The following AGER variants were observed in gnomAD, a reference collection of about 807,000 sequenced individuals.
AGER encodes advanced glycosylation end-product specific receptor.
A neutral mutation model predicts 48.8 loss-of-function variants in AGER; 46 were observed. The observed-to-expected ratio is 0.94, with a 90% confidence interval of 0.74 to 1.20. The LOEUF (loss-of-function observed/expected upper bound fraction) is 1.20. Ranked by LOEUF, AGER falls within the 50% of genes most tolerant of loss-of-function variation. The pLI is 0.00. For synonymous variants in AGER, 170 were observed against 199.9 expected, an observed-to-expected ratio of 0.85 and a Z score of 1.26; for missense variants, 489 against 515.0, an observed-to-expected ratio of 0.95 and a Z score of 0.49.
At chr6:32,183,293 G>GT in intron 4 of AGER, 31 bp downstream of exon 4, 1 of 1,613,158 alleles carries the variant, frequency 6.2e-7, no homozygotes, top group Non-Finnish European at 8.5e-7. Flanking sequence ...TCACAGGGCC[G>GT]TTTTCTACTT....
At position 32,181,700 on chromosome 6, in the gene AGER, G is replaced by A. The variant is rs1786255618; in HGVS notation, c.965-68C>T. 1.4e-6 allele frequency: 2 copies of A among 1,481,464 alleles called. No individual in the cohort carries two copies. Among genetic ancestry groups the A allele is most frequent in the African/African-American group, 1.4e-5 (1 of 70,846 alleles). 91.8% of individuals were successfully genotyped at this position (1,481,464 alleles called of 1,614,324 possible). ...GTTGAGAGAGGGTTATTTAGTGGGA[G>A]CCCCAGTGGAGTCTTTCCCTTTCTT... On this transcript the variant is annotated intron_variant, in intron 8 of 10. Transcript: ENST00000375076. This position sits in a 1 kb window ranked among gnomAD's most constrained non-coding sequence, Gnocchi z 4.1.
At position 32,182,168 on chromosome 6, in the gene AGER, A is replaced by G; in HGVS notation, c.964+79T>C. ...TGGGGTGGCTGTTAGGGATAAGGCC[A>G]GAATGGGGCAGGAAATTAGAGCCTG... On this transcript the variant is annotated intron_variant, in intron 8 of 10. Coordinates refer to ENST00000375076, the MANE Select transcript of AGER (RefSeq NM_001136.5). The surrounding 1 kb of genome is among the most constrained non-coding windows in gnomAD (Gnocchi z 5.1). 6.2e-7 allele frequency: 1 copy of G among 1,601,996 alleles called. No individual in the cohort carries two copies. The highest frequency in any genetic ancestry group is 1.1e-5 in the South Asian group (1 of 90,900).
Position 32,183,897 on chromosome 6 carries a change from C to T in AGER, c.143G>A (p.Arg48Gln), listed in dbSNP as rs35030981. The change falls in exon 2 of 11, where the codon CGG becomes CAG. Residue 48 changes from arginine to glutamine, a missense_variant. Arg to Gln is a conservative substitution (Grantham distance 43). Transcript: ENST00000375076. ...CKGAPKKPPQ[R>Q]LEWKLNTGRT... ...CCCGCTTACCAGTTTCCATTCCAGC[C>T]GCTGGGGTGGTTTCTTGGGGGCCCC... The T allele has an allele frequency of 1.7e-5, 28 of 1,612,904 alleles. No homozygotes were observed. The African/African-American group carries it at 2.3e-4, about 13-fold the overall frequency.
chr6:32,183,415 G>C (rs2856442), intron 3 of AGER, 27 bp from the exon 4 acceptor site: 1 of 1,610,246 alleles, frequency 6.2e-7, no homozygotes, highest in African/African-American at 1.3e-5. Context: ...CCAGTCAGAG[G>C]CTGTAATTGT....
rs762908978 is a variant in AGER, at chr6:32,181,657, CAGA to C, written c.965-28_965-26del. On this transcript the variant is annotated intron_variant, in intron 8 of 10. Coordinates refer to ENST00000375076, the MANE Select transcript of AGER (RefSeq NM_001136.5). The surrounding 1 kb of genome is among the most constrained non-coding windows in gnomAD (Gnocchi z 4.1). ...TCTGGAAGACAAAGTTGGATCCAGTCAGAAAGGAAGACTTCGGGTTGAGAGAGG... is the reference window on the plus strand; with the variant it reads ...TCTGGAAGACAAAGTTGGATCCAGTCAAGGAAGACTTCGGGTTGAGAGAGG... The C allele has an allele frequency of 6.2e-7, 1 of 1,612,142 alleles. No individual in the cohort carries two copies. Among genetic ancestry groups the C allele is most frequent in the East Asian group, 2.2e-5 (1 of 44,878 alleles).
chr6:32,181,313 A>T lies in AGER; in HGVS notation c.1118+38T>A, dbSNP rs1453134294. Reference sequence around the variant, plus strand: ...CGACCCCTCTTCGCTTGCTGCCTGGAAGCCCTAGGTCTGAGGGGTCTGGCT... The same window carrying T: ...CGACCCCTCTTCGCTTGCTGCCTGGTAGCCCTAGGTCTGAGGGGTCTGGCT... On this transcript the variant is annotated intron_variant, in intron 10 of 10. Coordinates refer to ENST00000375076, the MANE Select transcript of AGER (RefSeq NM_001136.5). This position sits in a 1 kb window ranked among gnomAD's most constrained non-coding sequence, Gnocchi z 4.1. 1 of 1,613,546 alleles carries T rather than the reference A, an allele frequency of 6.2e-7. No individual in the cohort carries two copies.
chr6:32,182,412 A>C lies in AGER; in HGVS notation c.823-24T>G. On this transcript the variant is annotated intron_variant, in intron 7 of 10. Transcript: ENST00000375076. The surrounding 1 kb of genome is among the most constrained non-coding windows in gnomAD (Gnocchi z 5.1). ...CCCTGGTGGGGGAAGGGGAGAGGAGACTATTTCAAAACCCTTGTCTTTTTG... is the reference window on the plus strand; with the variant it reads ...CCCTGGTGGGGGAAGGGGAGAGGAGCCTATTTCAAAACCCTTGTCTTTTTG... 1 of 1,600,652 alleles carries C rather than the reference A, an allele frequency of 6.2e-7. No homozygotes were observed. Among genetic ancestry groups the C allele is most frequent in the Non-Finnish European group, 8.5e-7 (1 of 1,172,944 alleles).
chr6:32,181,348 C>T lies in AGER; in HGVS notation c.1118+3G>A. On this transcript the variant is annotated splice_donor_region_variant and intron_variant, in intron 10 of 10. Transcript: ENST00000375076. This position sits in a 1 kb window ranked among gnomAD's most constrained non-coding sequence, Gnocchi z 4.1. Reference sequence around the variant, plus strand: ...TCTGAGGGGTCTGGCTTTCTCCACTCACCTCTCCTCTCCTCGGCGTTGCCG... The same window carrying T: ...TCTGAGGGGTCTGGCTTTCTCCACTTACCTCTCCTCTCCTCGGCGTTGCCG... 2 of 1,612,956 alleles carry T rather than the reference C, an allele frequency of 1.2e-6. No individual in the cohort carries two copies. Among genetic ancestry groups the T allele is most frequent in the Non-Finnish European group, 1.7e-6 (2 of 1,179,310 alleles).
chr6:32,181,548 C>T lies in AGER; in HGVS notation c.991+58G>A. The T allele has an allele frequency of 6.2e-7, 1 of 1,613,156 alleles. No homozygotes were observed. The highest frequency in any genetic ancestry group is 1.1e-5 in the South Asian group (1 of 91,088). ...CCATTCCTTTCTTGTTGACCATCCC[C>T]CCAGTCACATGTGTTGGGGGCTATC... is the stretch of plus-strand genomic sequence containing the variant. On this transcript the variant is annotated intron_variant, in intron 9 of 10. Transcript: ENST00000375076. The surrounding 1 kb of genome is among the most constrained non-coding windows in gnomAD (Gnocchi z 4.1).
At position 32,182,379 on chromosome 6, in the gene AGER, A is replaced by AG; in HGVS notation, c.831dup (p.Pro279AlafsTer12). On this transcript the variant is annotated frameshift_variant, in exon 8 of 11. Transcript: ENST00000375076. LOFTEE classifies it high-confidence loss of function. This position sits in a 1 kb window ranked among gnomAD's most constrained non-coding sequence, Gnocchi z 5.1. ...AGCACAGGGCTGGGGGGAAGGGGCA[A>AG]GGGCACACCCTGGTGGGGGAAGGGG... 9 of 1,611,632 alleles carry AG rather than the reference A, an allele frequency of 5.6e-6. No homozygotes were observed. Among genetic ancestry groups the AG allele is most frequent in the Non-Finnish European group, 7.6e-6 (9 of 1,179,382 alleles).
chr6:32,183,495 GGGTTGAAGGCTTTTTCTTA>G, intron 3 of AGER, 41 bp downstream of exon 3: 1 of 1,611,004 alleles, frequency 6.2e-7, no homozygotes, highest in Non-Finnish European at 8.5e-7. Flanking sequence ...GCCAAGGCTG[GGGTTGAAGGCTTTTTCTTA>G]GGTAAGAGGG....
Position 32,182,617 on chromosome 6 carries a change from G to T in AGER, c.773C>A (p.Thr258Asn), listed in dbSNP as rs2127436733. The change falls in exon 7 of 11, where the codon ACC becomes AAC. Residue 258 changes from threonine to asparagine, a missense_variant. Coordinates refer to ENST00000375076, the MANE Select transcript of AGER (RefSeq NM_001136.5). The surrounding 1 kb of genome is among the most constrained non-coding windows in gnomAD (Gnocchi z 5.1). The stretch of plus-strand genomic sequence containing the variant: ...AGAGGGCTGGGCAGGGACTTCACAG[G>T]TCAGGGTTACGGTTCCACCAGGAGC... ...AVAPGGTVTLTCEVPAQPSPQ... is the reference protein window; with the variant it reads ...AVAPGGTVTLNCEVPAQPSPQ... 1 of 1,613,078 alleles carries T rather than the reference G, an allele frequency of 6.2e-7. No individual in the cohort carries two copies. Among genetic ancestry groups the T allele is most frequent in the South Asian group, 1.1e-5 (1 of 91,086 alleles).
chr6:32,182,931 C>T lies in AGER; in HGVS notation c.601G>A (p.Asp201Asn), dbSNP rs1266328695. ...CTACAGGAGAAGGTGGGACGGGGAT[C>T]TCCTCCCCGGGCTGGGGTCACCATT... The part of the protein sequence containing the change: ...ELMVTPARGG[D>N]PRPTFSCSFS... Residue 201 changes from aspartate to asparagine, a missense_variant, in exon 6 of 11, where the codon GAT (aspartate) becomes AAT (asparagine). Coordinates refer to ENST00000375076, the MANE Select transcript of AGER (RefSeq NM_001136.5). This position sits in a 1 kb window ranked among gnomAD's most constrained non-coding sequence, Gnocchi z 5.1. 6.2e-7 allele frequency: 1 copy of T among 1,612,272 alleles called. No homozygotes were observed. The highest frequency in any genetic ancestry group is 1.1e-5 in the South Asian group (1 of 91,070).
rs753577972 is a variant in AGER, at chr6:32,181,382, A to G, written c.1087T>C (p.Trp363Arg). 1.2e-6 allele frequency: 2 copies of G among 1,612,750 alleles called. No homozygotes were observed. The highest frequency in any genetic ancestry group is 2.2e-5 in the South Asian group (2 of 91,060). Residue 363 changes from tryptophan to arginine, a missense_variant, in exon 10 of 11, where the codon TGG (tryptophan) becomes CGG (arginine). By Grantham distance (101) the Trp-to-Arg change is moderately radical (BLOSUM62 -3). Coordinates refer to ENST00000375076, the MANE Select transcript of AGER (RefSeq NM_001136.5). The surrounding 1 kb of genome is among the most constrained non-coding windows in gnomAD (Gnocchi z 4.1). ...TCTCCTCGGCGTTGCCGCCTTTGCC[A>G]CAAGATGACCCCAATGAGCAGGGCG... ...TAALLIGVIL[W>R]QRRQRRGEER...
chr6:32,181,612 T>C lies in AGER; in HGVS notation c.985A>G (p.Thr329Ala). The C allele has an allele frequency of 1.9e-6, 3 of 1,613,102 alleles. No homozygotes were observed. Among genetic ancestry groups the C allele is most frequent in the Non-Finnish European group, 2.5e-6 (3 of 1,180,032 alleles). The change falls in exon 9 of 11, where the codon ACT (threonine) becomes GCT (alanine). Residue 329 changes from threonine (T) to alanine (A), a missense_variant. Physicochemically the swap from Thr to Ala is moderately conservative, Grantham distance 58 (BLOSUM62 0). Coordinates refer to ENST00000375076, the MANE Select transcript of AGER (RefSeq NM_001136.5). This position sits in a 1 kb window ranked among gnomAD's most constrained non-coding sequence, Gnocchi z 4.1. ...SIIEPGEEGP[T>A]AGSVGGSGLG... Reference sequence around the variant, plus strand: ...ACTTTATCAAACCCCTCACCTGCAGTTGGCCCCTCCTCGCCTGGTTCTGGA... The same window carrying C: ...ACTTTATCAAACCCCTCACCTGCAGCTGGCCCCTCCTCGCCTGGTTCTGGA...
At position 32,181,563 on chromosome 6, in the gene AGER, TG is replaced by T; in HGVS notation, c.991+42del. ...TGACCATCCCCCCAGTCACATGTGTTGGGGGCTATCTTCTGCTTCCCTGACT... is the reference window on the plus strand; with the variant it reads ...TGACCATCCCCCCAGTCACATGTGTTGGGGCTATCTTCTGCTTCCCTGACT... On this transcript the variant is annotated intron_variant, in intron 9 of 10. Coordinates refer to ENST00000375076, the MANE Select transcript of AGER (RefSeq NM_001136.5). This position sits in a 1 kb window ranked among gnomAD's most constrained non-coding sequence, Gnocchi z 4.1. 1 of 1,613,132 alleles carries T rather than the reference TG, an allele frequency of 6.2e-7. No individual in the cohort carries two copies.
Position 32,182,153 on chromosome 6 carries a change from G to T in AGER, c.964+94C>A. On this transcript the variant is annotated intron_variant, in intron 8 of 10. Coordinates refer to ENST00000375076, the MANE Select transcript of AGER (RefSeq NM_001136.5). This position sits in a 1 kb window ranked among gnomAD's most constrained non-coding sequence, Gnocchi z 5.1. ...GCATGGAGGGAGAGGTGGGGTGGCT[G>T]TTAGGGATAAGGCCAGAATGGGGCA... 6.4e-7 allele frequency: 1 copy of T among 1,571,256 alleles called. No homozygotes were observed.
chr6:32,181,615 G>A lies in AGER; in HGVS notation c.982C>T (p.Pro328Ser), dbSNP rs1344795526. 6.2e-7 allele frequency: 1 copy of A among 1,612,966 alleles called. No homozygotes were observed. The highest frequency in any genetic ancestry group is 8.5e-7 in the Non-Finnish European group (1 of 1,180,046). The change falls in exon 9 of 11, where the codon CCA (proline) becomes TCA (serine). Residue 328 changes from proline (P) to serine (S), a missense_variant. By Grantham distance (74) the Pro-to-Ser change is moderately conservative (BLOSUM62 -1). Transcript: ENST00000375076. The surrounding 1 kb of genome is among the most constrained non-coding windows in gnomAD (Gnocchi z 4.1). ...TTATCAAACCCCTCACCTGCAGTTG[G>A]CCCCTCCTCGCCTGGTTCTGGAAGA... ...ISIIEPGEEG[P>S]TAGSVGGSGL...
Position 32,182,828 on chromosome 6 carries a change from C to A in AGER, c.691+13G>T, listed in dbSNP as rs1406061403. On this transcript the variant is annotated intron_variant, in intron 6 of 10. Coordinates refer to ENST00000375076, the MANE Select transcript of AGER (RefSeq NM_001136.5). This position sits in a 1 kb window ranked among gnomAD's most constrained non-coding sequence, Gnocchi z 5.1. ...GCTCACGTGAGCTTGGGGCCCTCCC[C>A]ACCTATGCTCACCCCAGACACGGGG... The A allele has an allele frequency of 6.2e-7, 1 of 1,612,288 alleles. No individual in the cohort carries two copies. Among genetic ancestry groups the A allele is most frequent in the Non-Finnish European group, 8.5e-7 (1 of 1,179,854 alleles).
Sources: gnomAD v4.1 joint callset for allele counts on GRCh38, gnomAD v4.1.1 for gene constraint, Gnocchi (gnomAD v3.1) non-coding constraint, MANE v1.5 for transcripts, NCBI Gene and HGNC (gene_info 2026-07-23, HGNC 2026-07-21) for gene names.